The following CHCHD3 variants were observed in gnomAD, a reference collection of about 807,000 sequenced individuals.
CHCHD3 encodes the protein coiled-coil-helix-coiled-coil-helix domain containing 3.
A neutral mutation model predicts 38.2 loss-of-function variants in CHCHD3; 20 were observed. That is an observed-to-expected ratio of 0.52 (90% CI 0.37 to 0.76). The LOEUF (loss-of-function observed/expected upper bound fraction) is 0.76. CHCHD3 is among the 30% of genes least tolerant of loss of function. CHCHD3 has a pLI of 0.00. For synonymous variants in CHCHD3, 82 were observed against 100.0 expected (o/e 0.82, Z 1.07); for missense variants, 245 against 279.2 (o/e 0.88, Z 0.87).
At chr7:132,856,563 G>A (rs1455180614) in intron 5 of CHCHD3, among the ~76,000 whole-genome samples, 2 of 152,144 alleles carry the variant, frequency 1.3e-5, no homozygotes, top group African/African-American at 4.8e-5. Flanking sequence ...CAATAACCAC[G>A]CTGTGTCTGA....
At chr7:132,939,478 T>C (rs1348702548) in intron 4 of CHCHD3, among the ~76,000 whole-genome samples, 1 of 152,208 alleles carries the variant, frequency 6.6e-6, no homozygotes, top group Non-Finnish European at 1.5e-5. Context: ...AGGAATCTGC[T>C]ACACAGGTTT....
intron 2 of CHCHD3, among the ~76,000 whole-genome samples, chr7:133,045,309 C>G (rs1158535004): frequency 6.6e-6 from 1 of 152,148 alleles, no homozygotes; most frequent in Non-Finnish European, 1.5e-5. Context: ...TAAAACAAAC[C>G]TTTTCAGGCT....
intron 6 of CHCHD3, among the ~76,000 whole-genome samples, chr7:132,798,687 G>T (rs1489332193): frequency 6.6e-6 from 1 of 152,144 alleles, no homozygotes; most frequent in Admixed American, 6.5e-5. Context: ...ACCCTGACCA[G>T]ATATGCAGCC....
chr7:132,957,556 C>T (rs1256425139), intron 4 of CHCHD3, among the ~76,000 whole-genome samples: 1 of 152,136 alleles, frequency 6.6e-6, no homozygotes, highest in Non-Finnish European at 1.5e-5. Flanking sequence ...GATCTCAGCT[C>T]ACTGCAACCT....
chr7:132,905,060 G>T (rs556992688), intron 4 of CHCHD3, among the ~76,000 whole-genome samples: 1 of 147,008 alleles, frequency 6.8e-6, no homozygotes, highest in African/African-American at 2.5e-5. Flanking sequence ...ACACTTTGAC[G>T]CAAGGCGGGG....
rs140625367 is a variant in CHCHD3 at position 132,954,463 on chromosome 7, G to A, written c.369+20706C>T. On this transcript the variant is annotated intron_variant, in intron 4 of 7. Transcript: ENST00000262570. ...AGCTGTCAGGGCTGGCAGAACCCAC[G>A]TCCTTTGTGGACACAGGGTCAGGGA... 4.9e-4 allele frequency among the ~76,000 whole-genome samples: 75 copies of A among 152,260 alleles called. 5 individuals are homozygous for A. In the South Asian group the frequency reaches 5.6e-3, roughly 11 times the overall value.
rs149788515 is a variant in CHCHD3, at chr7:132,906,294, T to C, written c.370-20549A>G. 2.2e-3 allele frequency among the ~76,000 whole-genome samples: 333 copies of C among 152,320 alleles called. 2 individuals are homozygous for C. The highest frequency in any genetic ancestry group is 7.8e-3 in the African/African-American group (326 of 41,570). ...TCACTTTGCACAAAATATTCTAGGCTACAGTAAACAATTAGTGCTTTTTCT... is the reference window on the plus strand; with the variant it reads ...TCACTTTGCACAAAATATTCTAGGCCACAGTAAACAATTAGTGCTTTTTCT... On this transcript the variant is annotated intron_variant, in intron 4 of 7. Transcript: ENST00000262570.
chr7:132,852,486 G>A lies in CHCHD3; in HGVS notation c.454-14017C>T, dbSNP rs143706074. ...ATTTGTAAGGTCCATCCTATTGACC[G>A]AAAATATGATTATAGTAATCATAGA... On this transcript the variant is annotated intron_variant, in intron 5 of 7. Transcript: ENST00000262570. Among the ~76,000 whole-genome samples the A allele has an allele frequency of 2.0e-4, 30 of 152,252 alleles. No individual in the cohort carries two copies. In the East Asian group the frequency reaches 3.9e-3, roughly 20 times the overall value.
chr7:132,954,112 A>C (rs917189236), intron 4 of CHCHD3, among the ~76,000 whole-genome samples: 1 of 152,148 alleles, frequency 6.6e-6, no homozygotes, highest in African/African-American at 2.4e-5. Context: ...TGTCCCAGGC[A>C]GAGGGACAGG....
At chr7:132,860,233 C>T (rs977966047) in intron 5 of CHCHD3, among the ~76,000 whole-genome samples, 4 of 151,976 alleles carry the variant, frequency 2.6e-5, no homozygotes, top group South Asian at 2.1e-4. Flanking sequence ...TGCCACTGCA[C>T]TCCAGTCTGG....
chr7:132,828,595 T>C (rs1338787179), intron 6 of CHCHD3, among the ~76,000 whole-genome samples: 1 of 152,188 alleles, frequency 6.6e-6, no homozygotes, highest in East Asian at 1.9e-4. Context: ...TAATTATACA[T>C]TCAAATGAGC....
chr7:133,076,515 A>G (rs1427776174), intron 1 of CHCHD3, among the ~76,000 whole-genome samples: 2 of 152,220 alleles, frequency 1.3e-5, no homozygotes, highest in Non-Finnish European at 2.9e-5. Context: ...TATTGCTCCT[A>G]AAGACAAATT....
intron 4 of CHCHD3, among the ~76,000 whole-genome samples, chr7:132,958,518 A>T (rs1811234925): frequency 6.6e-6 from 1 of 152,210 alleles, no homozygotes. Flanking sequence ...CATGATTTTT[A>T]TTCTATTAAA....
rs781355077 is a variant in CHCHD3, at chr7:132,975,259, T to C, written c.279A>G (p.Arg93=). The C allele has an allele frequency of 3.3e-5, 54 of 1,612,974 alleles. No individual in the cohort carries two copies. The highest frequency in any genetic ancestry group is 4.5e-5 in the Non-Finnish European group (53 of 1,179,916). The change falls in exon 4 of 8, where the codon CGA becomes CGG. Residue 93 remains arginine (R), a synonymous_variant. Coordinates refer to ENST00000262570, the MANE Select transcript of CHCHD3 (RefSeq NM_017812.4). ...KRLKQAKELD[R]ERAAANEQLT... ...ACTGCTCATTGGCAGCAGCCCTCTC[T>C]CGGTCCAGCTCTTTGGCTTGCTTTA...
At chr7:132,989,021 G>T (rs1225125726) in intron 3 of CHCHD3, among the ~76,000 whole-genome samples, 2 of 152,132 alleles carry the variant, frequency 1.3e-5, no homozygotes, top group African/African-American at 2.4e-5. Flanking sequence ...ACATTGTATT[G>T]TAAGTACATC....
At chr7:132,898,742 C>A (rs1027038583) in intron 4 of CHCHD3, among the ~76,000 whole-genome samples, 2 of 152,260 alleles carry the variant, frequency 1.3e-5, no homozygotes, top group Non-Finnish European at 2.9e-5. Flanking sequence ...AGGTCCCGAG[C>A]CTTGCCCCAC....
chr7:132,937,244 G>GTTTTTTTTT (rs1410782961), intron 4 of CHCHD3, among the ~76,000 whole-genome samples: 1 of 152,142 alleles, frequency 6.6e-6, no homozygotes, highest in Non-Finnish European at 1.5e-5. Flanking sequence ...ACAAAAAGTA[G>GTTTTTTTTT]TGAATGAGAA....
chr7:132,842,676 G>A (rs1007512997), intron 5 of CHCHD3, among the ~76,000 whole-genome samples: 1 of 152,170 alleles, frequency 6.6e-6, no homozygotes. Context: ...TTTGTAGAGT[G>A]ACTCGTGATT....
chr7:132,819,786 G>T (rs1254515400), intron 6 of CHCHD3, among the ~76,000 whole-genome samples: 1 of 152,198 alleles, frequency 6.6e-6, no homozygotes, highest in Non-Finnish European at 1.5e-5. Flanking sequence ...CCTAACAAAA[G>T]GCTGAGTTTA....
Sources: gnomAD v4.1 joint callset for allele counts (sites outside exome capture counted in the v4.1 genomes callset) on GRCh38, gnomAD v4.1.1 for gene constraint, MANE v1.5 for transcripts, NCBI Gene and HGNC (gene_info 2026-07-23, HGNC 2026-07-21) for gene names.